Variants in STARD13 observed in about 807,000 individuals in gnomAD.
The protein encoded by STARD13 is StAR related lipid transfer domain containing 13, also known as stAR-related lipid transfer protein 13.
STARD13 carries 62 observed loss-of-function variants against 106.4 expected under a neutral mutation model. The ratio of observed to expected loss-of-function variants is 0.58; its 90% confidence interval spans 0.48 to 0.72. STARD13 has a LOEUF of 0.72. Among genes scored for constraint, STARD13 ranks in the 30% least tolerant of loss-of-function variants. The pLI, the probability that STARD13 is intolerant of heterozygous loss-of-function variation, is 0.00. For missense variants in STARD13, 1,387 were observed against 1,424.0 expected, an observed-to-expected ratio of 0.97 and a Z score of 0.42; for synonymous variants, 565 against 553.0, an observed-to-expected ratio of 1.02 and a Z score of -0.31.
intron 3 of STARD13, among the ~76,000 whole-genome samples, chr13:33,148,835 G>A (rs1239089753): frequency 6.6e-6 from 1 of 152,192 alleles, no homozygotes; most frequent in African/African-American, 2.4e-5. Context: ...CAGGTGAATG[G>A]ATAAACTGTG....
At chr13:33,247,225 T>TA (rs199800299) in intron 1 of STARD13, among the ~76,000 whole-genome samples, 2,771 of 96,698 alleles carry the variant, frequency 0.029, 95 homozygotes, top group African/African-American at 0.08. Context: ...ATAAATTAAA[T>TA]AAATAAATAA....
chr13:33,472,703 T>G, the STARD13 span, among the ~76,000 whole-genome samples: 1 of 152,114 alleles, frequency 6.6e-6, no homozygotes, highest in African/African-American at 2.4e-5. Flanking sequence ...ATGCAGCAAT[T>G]TATCATGCAG....
the STARD13 span, among the ~76,000 whole-genome samples, chr13:33,549,424 C>T: frequency 1.3e-5 from 2 of 152,162 alleles, no homozygotes; most frequent in African/African-American, 4.8e-5. Flanking sequence ...TTCTTGTCCC[C>T]TGACCAAAAT....
chr13:33,416,893 CAAGA>C, the STARD13 span, among the ~76,000 whole-genome samples: 1 of 152,078 alleles, frequency 6.6e-6, no homozygotes, highest in African/African-American at 2.4e-5. Context: ...AGGACACCAT[CAAGA>C]AAGTTAAAAG....
At chr13:33,615,119 C>T in the STARD13 span, among the ~76,000 whole-genome samples, 1 of 152,140 alleles carries the variant, frequency 6.6e-6, no homozygotes, top group Non-Finnish European at 1.5e-5. Flanking sequence ...GTAGAGTCAA[C>T]AGAACTTACT....
At chr13:33,375,885 A>G in the STARD13 span, among the ~76,000 whole-genome samples, 1 of 152,148 alleles carries the variant, frequency 6.6e-6, no homozygotes, top group African/African-American at 2.4e-5. Context: ...CTGATTAAGT[A>G]ATATGACTGG....
intron 1 of STARD13, among the ~76,000 whole-genome samples, chr13:33,321,134 C>T (rs1893544423): frequency 6.6e-6 from 1 of 152,054 alleles, no homozygotes; most frequent in Admixed American, 6.6e-5. Context: ...ACAGATTTGT[C>T]GCCCCCTTTG....
the STARD13 span, among the ~76,000 whole-genome samples, chr13:33,525,008 T>C: frequency 1.3e-5 from 2 of 152,104 alleles, no homozygotes; most frequent in African/African-American, 4.8e-5. Context: ...TGTTTTATTT[T>C]AGTTTAGTTT....
At chr13:33,323,922 T>C (rs967808507) in intron 1 of STARD13, among the ~76,000 whole-genome samples, 5 of 152,158 alleles carry the variant, frequency 3.3e-5, no homozygotes, top group Non-Finnish European at 7.3e-5. Context: ...GATCTTGCGC[T>C]CCTCTTGGGG....
the STARD13 span, among the ~76,000 whole-genome samples, chr13:33,435,009 A>G: frequency 0.045 from 6,827 of 152,256 alleles, 497 homozygotes; most frequent in African/African-American, 0.15. Flanking sequence ...AGTTGGGGAA[A>G]GAGTCAACTT....
the STARD13 span, among the ~76,000 whole-genome samples, chr13:33,430,956 C>T: frequency 1.3e-5 from 2 of 152,048 alleles, no homozygotes; most frequent in Admixed American, 1.3e-4. Context: ...TTAATGGGTA[C>T]AAATATAGAG....
At chr13:33,165,226 T>C (rs1174710222) in intron 3 of STARD13, 111 bp downstream of exon 3, 34 of 810,706 alleles carry the variant, frequency 4.2e-5, no homozygotes, top group Non-Finnish European at 8.6e-6. Context: ...GTCAGGCACA[T>C]GGTAGGCACT....
intron 10 of STARD13, among the ~76,000 whole-genome samples, chr13:33,111,382 A>G (rs1212211254): frequency 2.0e-5 from 3 of 152,212 alleles, no homozygotes; most frequent in Non-Finnish European, 4.4e-5. Flanking sequence ...CTTCTTTTAC[A>G]TATCTGTGGC....
chr13:33,625,043 C>G, the STARD13 span, among the ~76,000 whole-genome samples: 3 of 152,176 alleles, frequency 2.0e-5, no homozygotes, highest in African/African-American at 7.2e-5. Context: ...ATCCTGAGGG[C>G]AGCAGTGGCA....
intron 1 of STARD13, among the ~76,000 whole-genome samples, chr13:33,227,786 C>A (rs966780442): frequency 2.0e-5 from 3 of 152,008 alleles, no homozygotes; most frequent in Non-Finnish European, 4.4e-5. Flanking sequence ...AGGACAAGCA[C>A]CATAAGGAGT....
At chr13:33,110,649 T>A in intron 11 of STARD13, 37 bp downstream of exon 11, 1 of 1,566,026 alleles carries the variant, frequency 6.4e-7, no homozygotes, top group Non-Finnish European at 8.8e-7. Context: ...TAGCTGTGGC[T>A]TTCTGGGGGT....
At chr13:33,487,381 C>T in the STARD13 span, among the ~76,000 whole-genome samples, 432 of 152,112 alleles carry the variant, frequency 2.8e-3, no homozygotes, top group African/African-American at 5.6e-3. Context: ...CACATAGACA[C>T]GGAAAAGAAT....
the STARD13 span, among the ~76,000 whole-genome samples, chr13:33,389,212 C>T: frequency 2.0e-5 from 3 of 152,070 alleles, no homozygotes; most frequent in African/African-American, 2.4e-5. Context: ...CCTGCCTTGG[C>T]CTCCCAAAGT....
intron 10 of STARD13, 22 bp downstream of exon 10, chr13:33,111,746 TAGGGAGGCGG>T: frequency 7.5e-7 from 1 of 1,325,006 alleles, no homozygotes; most frequent in Non-Finnish European, 1.1e-6. Flanking sequence ...CAAGAGCTAC[TAGGGAGGCGG>T]AGGTTCGAGC....
Sources: allele counts gnomAD v4.1 joint callset (sites outside exome capture counted in the v4.1 genomes callset), GRCh38; gene constraint gnomAD v4.1.1; transcripts MANE v1.5; gene names NCBI Gene and HGNC (gene_info 2026-07-23, HGNC 2026-07-21).